SMARCC1: variants seen among roughly 807,000 people sequenced by gnomAD.
The protein encoded by SMARCC1 is SWI/SNF complex subunit SMARCC1.
SMARCC1 carries 43 observed loss-of-function variants against 147.4 expected under a neutral mutation model. That is an observed-to-expected ratio of 0.29 (90% confidence interval 0.23 to 0.38). The LOEUF (loss-of-function observed/expected upper bound fraction) is 0.38, where lower values mean the gene tolerates loss of function less well. Among genes scored for constraint, SMARCC1 ranks in the 10% least tolerant of loss-of-function variants. The pLI, the probability that SMARCC1 is intolerant of heterozygous loss-of-function variation, is 1.00. For synonymous variants in SMARCC1, 495 were observed against 484.4 expected, an observed-to-expected ratio of 1.02 and a Z score of -0.29; for missense variants, 1,119 against 1,381.1, an observed-to-expected ratio of 0.81 and a Z score of 3.01.
rs775473307 is a variant in SMARCC1, at chr3:47,680,466, A to T, written c.1428T>A (p.Asn476Lys). ...IERRALPEFFNGKNKSKTPEI... is the reference protein window; with the variant it reads ...IERRALPEFFKGKNKSKTPEI... ...CTGGAGTCTTGGATTTGTTTTTTCCATTGAAGAACTCAGGAAGAGCACGCC... is the reference window on the plus strand; with the variant it reads ...CTGGAGTCTTGGATTTGTTTTTTCCTTTGAAGAACTCAGGAAGAGCACGCC... The change falls in exon 15 of 28, where the codon AAT becomes AAA. Residue 476 changes from asparagine to lysine, a missense_variant. This residue lies in a region of SMARCC1 where 542 missense variants were observed against 611.8 expected (regional missense o/e 0.89). Transcript: ENST00000254480. 1.2e-6 allele frequency: 2 copies of T among 1,609,908 alleles called. No individual in the cohort carries two copies. Among genetic ancestry groups the T allele is most frequent in the Non-Finnish European group, 1.7e-6 (2 of 1,177,900 alleles).
Position 47,663,923 on chromosome 3 carries a change from TCTC to T in SMARCC1, c.1900-1334_1900-1332del, listed in dbSNP as rs2033385384. 2.1e-6 allele frequency: 3 copies of T among 1,432,746 alleles called. No homozygotes were observed. The African/African-American group carries it at 4.2e-5, about 20-fold the overall frequency. 88.8% of individuals were successfully genotyped at this position (1,432,746 alleles called of 1,614,324 possible). On this transcript the variant is annotated intron_variant, in intron 19 of 27. Transcript: ENST00000254480. Reference sequence around the variant, plus strand: ...GGGTCTAGCTGTCACCGCTATGAAGTCTCAACCCTGAGCCCAGGGTCTGGCTTT... The same window carrying T: ...GGGTCTAGCTGTCACCGCTATGAAGTAACCCTGAGCCCAGGGTCTGGCTTT...
intron 14 of SMARCC1, among the ~76,000 whole-genome samples, chr3:47,683,080 T>A (rs985735526): frequency 6.6e-6 from 1 of 152,252 alleles, no homozygotes; most frequent in African/African-American, 2.4e-5. Flanking sequence ...TCTCGCTCTG[T>A]CGCCCAGGCT....
At chr3:47,777,781 G>A (rs1461737344) in intron 1 of SMARCC1, among the ~76,000 whole-genome samples, 2 of 151,890 alleles carry the variant, frequency 1.3e-5, no homozygotes, top group Non-Finnish European at 2.9e-5. Context: ...ACCGGCCTCG[G>A]TCTCCCAAGG....
In SMARCC1 at chr3:47,590,667, CG is replaced by C; in HGVS notation, c.3213del (p.Asn1071LysfsTer54). 6.5e-7 allele frequency: 1 copy of C among 1,533,040 alleles called. No individual in the cohort carries two copies. 95.0% of individuals were successfully genotyped at this position (1,533,040 alleles called of 1,614,324 possible). On this transcript the variant is annotated frameshift_variant, in exon 27 of 28. Coordinates refer to ENST00000254480, the MANE Select transcript of SMARCC1 (RefSeq NM_003074.4). LOFTEE classifies it high-confidence loss of function. ...CCCCCTCCATGTTACTTACACATGC[CG>C]TTAGGTGCTGTCAGGGGTACCCGGG... is the stretch of plus-strand genomic sequence containing the variant. ...LGPRVPLTAP[N>X]GMYPPPPQQQ...
intron 2 of SMARCC1, among the ~76,000 whole-genome samples, chr3:47,758,431 A>T (rs529110141): frequency 6.6e-6 from 1 of 152,038 alleles, no homozygotes; most frequent in African/African-American, 2.4e-5. Flanking sequence ...TGCCTAGGCT[A>T]AGACAAGAGG....
At chr3:47,773,618 T>C (rs1006604560) in intron 1 of SMARCC1, among the ~76,000 whole-genome samples, 5 of 152,002 alleles carry the variant, frequency 3.3e-5, no homozygotes, top group African/African-American at 1.2e-4. Context: ...GAGTAGCCAA[T>C]ACTCTCAAAA....
At chr3:47,667,551 C>A (rs1356943554) in intron 19 of SMARCC1, among the ~76,000 whole-genome samples, 2 of 152,124 alleles carry the variant, frequency 1.3e-5, no homozygotes, top group Non-Finnish European at 2.9e-5. Context: ...TATAAATGAA[C>A]AGGAAGAATA....
At chr3:47,709,195 A>C (rs772888353) in intron 9 of SMARCC1, among the ~76,000 whole-genome samples, 26 of 151,912 alleles carry the variant, frequency 1.7e-4, no homozygotes, top group Non-Finnish European at 3.5e-4. Flanking sequence ...CAGGAGGCAG[A>C]CATTGCATTC....
chr3:47,692,794 A>G (rs1328311026), intron 12 of SMARCC1, among the ~76,000 whole-genome samples: 1 of 152,164 alleles, frequency 6.6e-6, no homozygotes, highest in East Asian at 1.9e-4. Context: ...AGGCCGAGAC[A>G]GGCGGATCAT....
intron 24 of SMARCC1, among the ~76,000 whole-genome samples, chr3:47,625,288 C>T (rs917666804): frequency 3.3e-5 from 5 of 151,842 alleles, no homozygotes; most frequent in Admixed American, 6.6e-5. Context: ...GGCAAAATCC[C>T]TTCTTTATTT....
In SMARCC1 at chr3:47,590,682, G is replaced by C; in HGVS notation, c.3199C>G (p.Leu1067Val). The C allele has an allele frequency of 6.4e-7, 1 of 1,556,322 alleles. No homozygotes were observed. Among genetic ancestry groups the C allele is most frequent in the Non-Finnish European group, 8.6e-7 (1 of 1,157,314 alleles). Residue 1067 changes from leucine (L) to valine (V), a missense_variant, in exon 27 of 28, where the codon CTG becomes GTG. Physicochemically the swap from Leu to Val is conservative, Grantham distance 32 (BLOSUM62 1). This residue lies in a region of SMARCC1 where 186 missense variants were observed against 216.5 expected (regional missense o/e 0.86). Coordinates refer to ENST00000254480, the MANE Select transcript of SMARCC1 (RefSeq NM_003074.4). ...PGNILGPRVP[L>V]TAPNGMYPPP... ...TTACACATGCCGTTAGGTGCTGTCA[G>C]GGGTACCCGGGGTCCTAAGATGTTT...
At chr3:47,738,785 T>C (rs559478882) in intron 3 of SMARCC1, among the ~76,000 whole-genome samples, 3 of 152,332 alleles carry the variant, frequency 2.0e-5, no homozygotes, top group Admixed American at 1.3e-4. Flanking sequence ...GTAAGACTTG[T>C]GATTTAAACA....
intron 24 of SMARCC1, among the ~76,000 whole-genome samples, chr3:47,622,853 A>T (rs908614419): frequency 6.6e-6 from 1 of 152,228 alleles, no homozygotes; most frequent in Non-Finnish European, 1.5e-5. Flanking sequence ...GTCCAAGTCC[A>T]TAGCTGGAAA....
rs764291202 is a variant in SMARCC1, at chr3:47,706,441, T to G, written c.1008A>C (p.Pro336=). ...TCCCACTCTTCTTCCGTGATTCTGT[T>G]GGTGTCGGAGGGGGAGGCGAAGGCG... The part of the protein sequence containing the change: ...KHSPSPPPPT[P]TESRKKSGKK... The change falls in exon 10 of 28, where the codon CCA becomes CCC. Residue 336 remains proline (P), a synonymous_variant. Coordinates refer to ENST00000254480, the MANE Select transcript of SMARCC1 (RefSeq NM_003074.4). 5 of 1,579,838 alleles carry G rather than the reference T, an allele frequency of 3.2e-6. No individual in the cohort carries two copies. Among genetic ancestry groups the G allele is most frequent in the Non-Finnish European group, 4.3e-6 (5 of 1,167,404 alleles).
chr3:47,764,780 C>G (rs546282053), intron 2 of SMARCC1, among the ~76,000 whole-genome samples: 17 of 152,196 alleles, frequency 1.1e-4, no homozygotes, highest in Non-Finnish European at 2.4e-4. Context: ...TTTATCCACA[C>G]GTATGTGGCT....
At chr3:47,686,320 C>T in intron 13 of SMARCC1, 150 bp from the exon 14 acceptor site, 2 of 629,990 alleles carry the variant, frequency 3.2e-6, no homozygotes, top group South Asian at 4.1e-5. Flanking sequence ...TAAAAACAAC[C>T]TTTCACAGTA....
chr3:47,716,334 C>T (rs2034155368), intron 7 of SMARCC1, among the ~76,000 whole-genome samples: 1 of 142,398 alleles, frequency 7.0e-6, no homozygotes, highest in Admixed American at 7.8e-5. Context: ...AGGAGAATCG[C>T]ATGAACCTGG....
At chr3:47,755,166 G>A (rs2034680684) in intron 2 of SMARCC1, among the ~76,000 whole-genome samples, 2 of 152,054 alleles carry the variant, frequency 1.3e-5, no homozygotes, top group South Asian at 2.1e-4. Flanking sequence ...AGCCAAGATC[G>A]CACCACTGCA....
chr3:47,726,367 C>T (rs1445455233), intron 6 of SMARCC1, among the ~76,000 whole-genome samples: 1 of 151,096 alleles, frequency 6.6e-6, no homozygotes, highest in Non-Finnish European at 1.5e-5. Flanking sequence ...AACAATTTAG[C>T]TCTACATGGT....
Sources: allele counts gnomAD v4.1 joint callset (sites outside exome capture counted in the v4.1 genomes callset), GRCh38; gene constraint gnomAD v4.1.1; regional missense constraint gnomAD v4.1.1; transcripts MANE v1.5; gene names NCBI Gene and HGNC (gene_info 2026-07-23, HGNC 2026-07-21).